The following SLCO2A1 variants were observed in gnomAD, a reference collection of about 807,000 sequenced individuals.
SLCO2A1 encodes solute carrier organic anion transporter family member 2A1, also known as matrin F/G 1.
In SLCO2A1, 60 loss-of-function variants were observed where a neutral mutation model predicts 71.7. The observed-to-expected ratio is 0.84, with a 90% CI of 0.68 to 1.04. The LOEUF is 1.04. Among genes scored for constraint, SLCO2A1 ranks in the 50% least tolerant of loss-of-function variants. SLCO2A1 has a pLI of 0.00. For synonymous variants in SLCO2A1, 308 were observed against 326.7 expected (o/e 0.94, Z 0.62); for missense variants, 745 against 813.4 (o/e 0.92, Z 1.02).
chr3:134,018,997 T>C (rs1935517112), intron 1 of SLCO2A1, among the ~76,000 whole-genome samples: 1 of 152,172 alleles, frequency 6.6e-6, no homozygotes, highest in South Asian at 2.1e-4. Flanking sequence ...ATCAGCCCGT[T>C]AGCCACTGGG....
chr3:133,945,160 A>G lies in SLCO2A1; in HGVS notation c.1396T>C (p.Tyr466His), dbSNP rs140319395. The change falls in exon 10 of 14, where the codon TAC (tyrosine) becomes CAC (histidine). Residue 466 changes from tyrosine (Y) to histidine (H), a missense_variant. Physicochemically the swap from Tyr to His is moderately conservative, Grantham distance 83. Transcript: ENST00000310926. ...CAGCCGGCATGGCAAGGGGAGAGGT[A>G]CTCGATTCCATTGTCTCCACAGACC... ...HPVCGDNGIE[Y>H]LSPCHAGCSN... is the part of the protein sequence containing the mutation. The G allele has an allele frequency of 3.1e-6, 5 of 1,614,128 alleles. No homozygotes were observed. The African/African-American group carries it at 5.3e-5, about 17-fold the overall frequency.
intron 1 of SLCO2A1, among the ~76,000 whole-genome samples, chr3:134,013,805 A>G (rs1935388343): frequency 6.6e-6 from 1 of 152,260 alleles, no homozygotes; most frequent in Admixed American, 6.5e-5. Context: ...GGAGGACAAT[A>G]TATCATTCAT....
chr3:133,959,190 G>A (rs189657482), intron 3 of SLCO2A1, among the ~76,000 whole-genome samples: 37 of 152,246 alleles, frequency 2.4e-4, no homozygotes, highest in African/African-American at 7.2e-4. Flanking sequence ...TTCTTCAGTC[G>A]CTCAGTTATT....
chr3:134,027,480 G>C (rs115757088), intron 1 of SLCO2A1, among the ~76,000 whole-genome samples: 7,533 of 152,252 alleles, frequency 0.049, 189 homozygotes, highest in Middle Eastern at 0.12. Context: ...GACCCTCTCA[G>C]GTGCACCCCC....
At chr3:133,936,975 T>C (rs1409757479) in intron 12 of SLCO2A1, among the ~76,000 whole-genome samples, 1 of 151,842 alleles carries the variant, frequency 6.6e-6, no homozygotes, top group Non-Finnish European at 1.5e-5. Context: ...TACCCAAGAG[T>C]GGATTGTGTT....
chr3:133,986,821 GGAT>G (rs1934724838), intron 1 of SLCO2A1, among the ~76,000 whole-genome samples: 1 of 152,188 alleles, frequency 6.6e-6, no homozygotes, highest in Non-Finnish European at 1.5e-5. Context: ...CCACAGCTCA[GGAT>G]GAAGGAGAAA....
intron 1 of SLCO2A1, among the ~76,000 whole-genome samples, chr3:134,028,955 C>T (rs1272683671): frequency 6.6e-6 from 1 of 150,808 alleles, no homozygotes; most frequent in Non-Finnish European, 1.5e-5. Flanking sequence ...GCTGCCAACA[C>T]CCTATCTTCT....
intron 1 of SLCO2A1, among the ~76,000 whole-genome samples, chr3:134,000,119 GC>G (rs1935073527): frequency 6.6e-6 from 1 of 152,198 alleles, no homozygotes; most frequent in African/African-American, 2.4e-5. Context: ...GATGACGAGT[GC>G]ATATCTGAGT....
chr3:133,999,592 T>G (rs1183972920), intron 1 of SLCO2A1, among the ~76,000 whole-genome samples: 1 of 151,792 alleles, frequency 6.6e-6, no homozygotes, highest in African/African-American at 2.4e-5. Flanking sequence ...CAAGGAGAGG[T>G]ACAAGTAGTG....
intron 1 of SLCO2A1, among the ~76,000 whole-genome samples, chr3:134,010,729 G>C (rs1363311803): frequency 3.7e-5 from 5 of 134,052 alleles, no homozygotes; most frequent in Non-Finnish European, 7.8e-5. Flanking sequence ...ACTCCAGCCT[G>C]GTGACAGAGT....
chr3:134,006,074 C>T (rs1465709840), intron 1 of SLCO2A1, among the ~76,000 whole-genome samples: 1 of 151,852 alleles, frequency 6.6e-6, no homozygotes, highest in African/African-American at 2.4e-5. Context: ...TTTATTAATA[C>T]TATTTTTTGA....
At chr3:133,946,236 G>GAAAAAAAAAAA (rs113147743) in intron 9 of SLCO2A1, among the ~76,000 whole-genome samples, 1 of 94,430 alleles carries the variant, frequency 1.1e-5, no homozygotes. Flanking sequence ...TCATTTCAAA[G>GAAAAAAAAAAA]AAAAAAAAAA....
intron 1 of SLCO2A1, among the ~76,000 whole-genome samples, chr3:134,026,936 G>A (rs926687326): frequency 2.0e-5 from 3 of 152,186 alleles, no homozygotes; most frequent in East Asian, 1.9e-4. Flanking sequence ...GGTTCCCAGC[G>A]CTAAGAGAAT....
chr3:133,977,186 G>A (rs1161534600), intron 2 of SLCO2A1, among the ~76,000 whole-genome samples: 3 of 152,102 alleles, frequency 2.0e-5, no homozygotes, highest in African/African-American at 7.2e-5. Flanking sequence ...CACACACAGA[G>A]GGTTATAAGG....
chr3:133,954,379 C>G (rs542205947), intron 4 of SLCO2A1, among the ~76,000 whole-genome samples: 1 of 152,128 alleles, frequency 6.6e-6, no homozygotes, highest in Admixed American at 6.5e-5. Context: ...TCAGGCTGGT[C>G]TCGAACTCCC....
chr3:133,934,581 A>G lies in SLCO2A1; in HGVS notation c.*132T>C. 1 of 671,536 alleles carries G rather than the reference A, an allele frequency of 1.5e-6. No homozygotes were observed. Among genetic ancestry groups the G allele is most frequent in the Admixed American group, 2.4e-5 (1 of 40,972 alleles). 41.6% of individuals were successfully genotyped at this position (671,536 alleles called of 1,614,324 possible). A position where few individuals can be genotyped will look rare whatever the true frequency, so the allele number is the denominator to read the frequency against. The stretch of plus-strand genomic sequence containing the variant: ...TCTGGGAGGAAGAGGTAGGGAAGGC[A>G]AATGAGGACTGGGGTTTTCTTTCTT... On this transcript the variant is annotated 3_prime_UTR_variant, in exon 14 of 14. Coordinates refer to ENST00000310926, the MANE Select transcript of SLCO2A1 (RefSeq NM_005630.3).
rs985428559 is a variant in SLCO2A1, at chr3:133,933,160, A to G, written c.*1553T>C. The G allele has an allele frequency of 1.3e-5, 2 of 152,260 alleles. No homozygotes were observed. Among genetic ancestry groups the G allele is most frequent in the Non-Finnish European group, 2.9e-5 (2 of 68,070 alleles). The allele number at this position is 152,260 out of a possible 1,614,324, so 9.4% of individuals were successfully genotyped here. A position where few individuals can be genotyped will look rare whatever the true frequency, so the allele number is the denominator to read the frequency against. On this transcript the variant is annotated 3_prime_UTR_variant, in exon 14 of 14. Coordinates refer to ENST00000310926, the MANE Select transcript of SLCO2A1 (RefSeq NM_005630.3). The stretch of plus-strand genomic sequence containing the variant: ...TGGCACTTAAGGGTCATGAATGGCC[A>G]TGACCCATGCCCAGCTGTTCCAGAG...
intron 3 of SLCO2A1, among the ~76,000 whole-genome samples, chr3:133,962,394 T>G (rs762016076): frequency 9.2e-5 from 14 of 152,090 alleles, no homozygotes; most frequent in Non-Finnish European, 1.9e-4. Flanking sequence ...CTTCTAGAAT[T>G]TAGAACATTA....
At chr3:133,947,030 G>T (rs1379693090) in intron 9 of SLCO2A1, among the ~76,000 whole-genome samples, 1 of 151,942 alleles carries the variant, frequency 6.6e-6, no homozygotes, top group Non-Finnish European at 1.5e-5. Context: ...CATGAGAATT[G>T]CTTGAACCTG....
Sources: gnomAD v4.1 joint callset for allele counts (sites outside exome capture counted in the v4.1 genomes callset) on GRCh38, gnomAD v4.1.1 for gene constraint, MANE v1.5 for transcripts, NCBI Gene and HGNC (gene_info 2026-07-23, HGNC 2026-07-21) for gene names.